Variants in PRKG1 observed in about 807,000 individuals in gnomAD.
PRKG1 encodes the protein protein kinase cGMP-dependent 1.
A neutral mutation model predicts 88.1 loss-of-function variants in PRKG1; 35 were observed. The ratio of observed to expected loss-of-function variants is 0.40; its 90% CI spans 0.30 to 0.53. The LOEUF (loss-of-function observed/expected upper bound fraction) is 0.53. PRKG1 is among the 20% of genes least tolerant of loss of function. The pLI is 0.59. For synonymous variants in PRKG1, 303 were observed against 292.5 expected, an observed-to-expected ratio of 1.04 and a Z score of -0.37; for missense variants, 540 against 839.8, an observed-to-expected ratio of 0.64 and a Z score of 4.41.
At chr10:51,282,518 C>T (rs1028332701) in intron 2 of PRKG1, among the ~76,000 whole-genome samples, 9 of 152,032 alleles carry the variant, frequency 5.9e-5, no homozygotes, top group East Asian at 1.9e-4. Flanking sequence ...GAGGAGTTCA[C>T]GAAGGAAAGC....
chr10:51,944,645 G>A (rs2133038096), intron 5 of PRKG1, among the ~76,000 whole-genome samples: 1 of 152,088 alleles, frequency 6.6e-6, no homozygotes, highest in South Asian at 2.1e-4. Flanking sequence ...AGAGATTCTG[G>A]TATGTTGTGT....
chr10:51,612,825 T>G (rs1838945954), intron 3 of PRKG1, among the ~76,000 whole-genome samples: 1 of 152,102 alleles, frequency 6.6e-6, no homozygotes, highest in Admixed American at 6.6e-5. Context: ...GTTTTTATCA[T>G]GAAGGAATGT....
intron 12 of PRKG1, among the ~76,000 whole-genome samples, chr10:52,279,388 A>G (rs58639230): frequency 0.026 from 4,027 of 152,228 alleles, 155 homozygotes; most frequent in African/African-American, 0.093. Flanking sequence ...TATAGTTAAG[A>G]TTCTAGAATC....
At chr10:51,564,258 G>A (rs888520619) in intron 3 of PRKG1, among the ~76,000 whole-genome samples, 1 of 151,920 alleles carries the variant, frequency 6.6e-6, no homozygotes, top group African/African-American at 2.4e-5. Context: ...TCTCACATAT[G>A]TACTAATGGG....
chr10:51,510,097 C>A (rs912991126), intron 3 of PRKG1, among the ~76,000 whole-genome samples: 4 of 152,134 alleles, frequency 2.6e-5, no homozygotes, highest in Non-Finnish European at 5.9e-5. Flanking sequence ...GTTATACCAA[C>A]CTCCCTTTCC....
chr10:52,125,053 G>A (rs1409451126), intron 7 of PRKG1, among the ~76,000 whole-genome samples: 1 of 152,040 alleles, frequency 6.6e-6, no homozygotes, highest in Non-Finnish European at 1.5e-5. Flanking sequence ...GTAAGTAGGA[G>A]TACACTCTAA....
At chr10:51,676,959 T>C (rs1840726445) in intron 3 of PRKG1, among the ~76,000 whole-genome samples, 1 of 152,190 alleles carries the variant, frequency 6.6e-6, no homozygotes, top group African/African-American at 2.4e-5. Context: ...TACAGCTCAA[T>C]TAAATATCAC....
chr10:52,118,740 T>C (rs1326363848), intron 7 of PRKG1, among the ~76,000 whole-genome samples: 3 of 152,076 alleles, frequency 2.0e-5, no homozygotes. Flanking sequence ...AGTTAATATT[T>C]AGTGTGAGTA....
intron 2 of PRKG1, among the ~76,000 whole-genome samples, chr10:51,294,944 A>G (rs931680437): frequency 1.3e-5 from 2 of 152,066 alleles, no homozygotes; most frequent in Non-Finnish European, 2.9e-5. Flanking sequence ...TTTCCTGGGT[A>G]TGGTGGCACT....
At chr10:51,984,575 G>GT (rs1564739385) in intron 5 of PRKG1, among the ~76,000 whole-genome samples, 2 of 152,228 alleles carry the variant, frequency 1.3e-5, no homozygotes, top group East Asian at 3.9e-4. Flanking sequence ...AAGATTTTTT[G>GT]TAATACCTGT....
intron 10 of PRKG1, among the ~76,000 whole-genome samples, chr10:52,266,804 G>GA (rs560988994): frequency 2.2e-4 from 34 of 151,728 alleles, no homozygotes; most frequent in Admixed American, 8.6e-4. Flanking sequence ...GGTTGAGATT[G>GA]AAAAAAAATT....
chr10:51,260,551 A>C (rs1199582525), intron 2 of PRKG1, among the ~76,000 whole-genome samples: 2 of 152,204 alleles, frequency 1.3e-5, no homozygotes, highest in East Asian at 3.8e-4. Context: ...TGACTGGGAA[A>C]TACAGTGACT....
intron 3 of PRKG1, among the ~76,000 whole-genome samples, chr10:51,639,013 A>T (rs1454999695): frequency 3.3e-5 from 5 of 152,180 alleles, no homozygotes; most frequent in Non-Finnish European, 5.9e-5. Flanking sequence ...CTGTGGATTG[A>T]CCTTAAACAC....
At chr10:51,823,857 T>TTCTC (rs1554845327) in intron 4 of PRKG1, among the ~76,000 whole-genome samples, 9 of 144,320 alleles carry the variant, frequency 6.2e-5, no homozygotes, top group African/African-American at 2.1e-4. Context: ...GAATTTTTTT[T>TTCTC]TCTCTCTCCT....
chr10:52,013,279 C>T (rs973613672), intron 5 of PRKG1, among the ~76,000 whole-genome samples: 20 of 152,134 alleles, frequency 1.3e-4, no homozygotes, highest in African/African-American at 4.1e-4. Context: ...ATTTGCCAGG[C>T]GTGGTGGTGG....
At chr10:51,476,970 G>A (rs924125570) in intron 3 of PRKG1, among the ~76,000 whole-genome samples, 3 of 151,910 alleles carry the variant, frequency 2.0e-5, no homozygotes, top group African/African-American at 4.8e-5. Context: ...TTTAGGGATC[G>A]ATACTACAAT....
intron 5 of PRKG1, among the ~76,000 whole-genome samples, chr10:52,027,946 G>T (rs1455531376): frequency 6.6e-6 from 1 of 151,966 alleles, no homozygotes; most frequent in Non-Finnish European, 1.5e-5. Flanking sequence ...CTGCCACCAC[G>T]CCCAGCTAAT....
chr10:51,432,424 C>T (rs1206009273), intron 2 of PRKG1, among the ~76,000 whole-genome samples: 1 of 151,334 alleles, frequency 6.6e-6, no homozygotes, highest in South Asian at 2.1e-4. Context: ...ATAAAAAAAA[C>T]AAAAAACACA....
chr10:52,250,452 T>C (rs1413512977), intron 9 of PRKG1, among the ~76,000 whole-genome samples: 1 of 152,308 alleles, frequency 6.6e-6, no homozygotes, highest in East Asian at 1.9e-4. Context: ...GGTAATGGAA[T>C]AGCTAATGTG....
Sources: gnomAD v4.1 joint callset for allele counts (sites outside exome capture counted in the v4.1 genomes callset) on GRCh38, gnomAD v4.1.1 for gene constraint, MANE v1.5 for transcripts, NCBI Gene and HGNC (gene_info 2026-07-23, HGNC 2026-07-21) for gene names.